The following TENM4 variants were observed in gnomAD, a reference collection of about 807,000 sequenced individuals.
TENM4 encodes the protein teneurin transmembrane protein 4.
TENM4 carries 82 observed loss-of-function variants against 243.3 expected under a neutral mutation model. The ratio of observed to expected loss-of-function variants is 0.34; its 90% confidence interval spans 0.28 to 0.40. The LOEUF is 0.40. TENM4 is among the 10% of genes least tolerant of loss of function. The pLI is 1.00. For missense variants in TENM4, 3,138 were observed against 3,673.3 expected (o/e 0.85, Z 3.77); for synonymous variants, 1,412 against 1,456.3 (o/e 0.97, Z 0.69).
chr11:79,101,930 G>C (rs1861242202), intron 4 of TENM4, among the ~76,000 whole-genome samples: 1 of 152,180 alleles, frequency 6.6e-6, no homozygotes. Flanking sequence ...TTTATGATGA[G>C]AGACTGGATA....
intron 3 of TENM4, among the ~76,000 whole-genome samples, chr11:79,196,149 T>C (rs1863622357): frequency 6.6e-6 from 1 of 152,152 alleles, no homozygotes; most frequent in Non-Finnish European, 1.5e-5. Flanking sequence ...CTATAAGTCC[T>C]GTTAAACTTC....
chr11:78,717,469 A>G (rs994600606), intron 25 of TENM4, among the ~76,000 whole-genome samples: 1 of 152,300 alleles, frequency 6.6e-6, no homozygotes, highest in East Asian at 1.9e-4. Flanking sequence ...GGGTTCAAAT[A>G]CCAGTTCTAC....
intron 6 of TENM4, among the ~76,000 whole-genome samples, chr11:78,982,573 C>G (rs1343333801): frequency 6.6e-6 from 1 of 152,160 alleles, no homozygotes; most frequent in East Asian, 1.9e-4. Context: ...CCTCACACCC[C>G]CAATAGGCCC....
intron 4 of TENM4, among the ~76,000 whole-genome samples, chr11:79,107,549 C>A (rs1861402387): frequency 6.6e-6 from 1 of 152,208 alleles, no homozygotes; most frequent in South Asian, 2.1e-4. Context: ...GTGTCTCAAT[C>A]ACAGAGGGTC....
chr11:78,990,603 G>C (rs1179067170), intron 6 of TENM4, among the ~76,000 whole-genome samples: 2 of 152,154 alleles, frequency 1.3e-5, no homozygotes, highest in Non-Finnish European at 2.9e-5. Context: ...AGCAAATAAA[G>C]TATACGATTC....
chr11:78,701,932 G>T lies in TENM4; in HGVS notation c.4681C>A (p.Arg1561=), dbSNP rs375897439. Residue 1561 remains arginine, a synonymous_variant, in exon 28 of 34, where the codon CGG becomes AGG. Coordinates refer to ENST00000278550, the MANE Select transcript of TENM4 (RefSeq NM_001098816.3). ...YVADLGNIRI[R]FIRKNKPFLN... ...AAAGGCTTGTTCTTCCGGATAAACC[G>T]AATTCGGATGTTCCCAAGGTCGGCC... 79 of 1,614,012 alleles carry T rather than the reference G, an allele frequency of 4.9e-5. No homozygotes were observed. The African/African-American group carries it at 9.5e-4, about 19-fold the overall frequency.
intron 10 of TENM4, among the ~76,000 whole-genome samples, chr11:78,859,764 G>A (rs775441518): frequency 6.6e-6 from 1 of 152,202 alleles, no homozygotes; most frequent in East Asian, 1.9e-4. Flanking sequence ...CTGTTTTGGA[G>A]AGCCCAGCTG....
intron 6 of TENM4, among the ~76,000 whole-genome samples, chr11:79,062,875 G>T (rs774033499): frequency 6.6e-6 from 1 of 152,100 alleles, no homozygotes; most frequent in African/African-American, 2.4e-5. Flanking sequence ...GTGGGGAGAA[G>T]CAGGGTTGCT....
At chr11:79,094,960 C>G (rs1435747242) in intron 4 of TENM4, among the ~76,000 whole-genome samples, 2 of 152,188 alleles carry the variant, frequency 1.3e-5, no homozygotes, top group Non-Finnish European at 2.9e-5. Context: ...TGAGGCCAGA[C>G]CCAGGACAGG....
intron 6 of TENM4, among the ~76,000 whole-genome samples, chr11:79,036,835 C>T (rs1318614368): frequency 6.6e-6 from 1 of 151,834 alleles, no homozygotes; most frequent in Non-Finnish European, 1.5e-5. Context: ...CGTGGTGAAA[C>T]CCTGTCTCTA....
intron 6 of TENM4, among the ~76,000 whole-genome samples, chr11:79,015,525 C>T (rs1363635408): frequency 7.1e-6 from 1 of 139,878 alleles, no homozygotes; most frequent in Non-Finnish European, 1.6e-5. Flanking sequence ...TTCTAAGAAA[C>T]ATTTTTATTG....
At chr11:78,754,622 ACT>A (rs1856263697) in intron 19 of TENM4, among the ~76,000 whole-genome samples, 1 of 152,188 alleles carries the variant, frequency 6.6e-6, no homozygotes, top group Non-Finnish European at 1.5e-5. Flanking sequence ...GATTAAAAAA[ACT>A]CACACTGTGG....
At chr11:79,057,256 T>C (rs1271013090) in intron 6 of TENM4, among the ~76,000 whole-genome samples, 2 of 152,074 alleles carry the variant, frequency 1.3e-5, no homozygotes, top group African/African-American at 4.8e-5. Flanking sequence ...TCCCCTGCAC[T>C]GGCCTGCACA....
intron 1 of TENM4, among the ~76,000 whole-genome samples, chr11:79,355,207 T>C (rs1387367754): frequency 6.6e-6 from 1 of 152,188 alleles, no homozygotes; most frequent in Non-Finnish European, 1.5e-5. Flanking sequence ...ACAGACTTGA[T>C]TGTGAACTTA....
chr11:79,246,081 G>A (rs1378938024), intron 2 of TENM4, among the ~76,000 whole-genome samples: 2 of 151,998 alleles, frequency 1.3e-5, no homozygotes, highest in Non-Finnish European at 2.9e-5. Context: ...ATAATTTCAG[G>A]CTGAAATTCC....
At chr11:78,990,921 T>C (rs1428251274) in intron 6 of TENM4, among the ~76,000 whole-genome samples, 3 of 152,242 alleles carry the variant, frequency 2.0e-5, no homozygotes, top group Non-Finnish European at 4.4e-5. Context: ...AAAAAGGATA[T>C]TAAAAAGAAA....
rs1855686668 is a variant in TENM4 at position 78,732,248 on chromosome 11, C to G, written c.3138+68G>C. On this transcript the variant is annotated intron_variant, in intron 21 of 33. Transcript: ENST00000278550. ...GGTGTTTTTTCTCTTTCCACTGTCT[C>G]TGAGATCCTCCTCCACCCCCAAAAT... 8 of 1,530,172 alleles carry G rather than the reference C, an allele frequency of 5.2e-6. No individual in the cohort carries two copies. The African/African-American group carries it at 9.7e-5, about 19-fold the overall frequency. The allele number at this position is 1,530,172 out of a possible 1,614,324, so 94.8% of individuals were successfully genotyped here.
At chr11:79,229,903 T>G (rs1004658847) in intron 2 of TENM4, among the ~76,000 whole-genome samples, 3 of 152,002 alleles carry the variant, frequency 2.0e-5, no homozygotes, top group African/African-American at 4.8e-5. Flanking sequence ...CACAGCTCAC[T>G]GCAGCCTGGA....
chr11:79,041,678 A>G (rs1859536709), intron 6 of TENM4, among the ~76,000 whole-genome samples: 1 of 152,220 alleles, frequency 6.6e-6, no homozygotes, highest in African/African-American at 2.4e-5. Context: ...TTTGAAGATG[A>G]AAAGGTGTCA....
Sources: allele counts gnomAD v4.1 joint callset (sites outside exome capture counted in the v4.1 genomes callset), GRCh38; gene constraint gnomAD v4.1.1; transcripts MANE v1.5; gene names NCBI Gene and HGNC (gene_info 2026-07-23, HGNC 2026-07-21).